MRPL22: variants seen among roughly 807,000 people sequenced by gnomAD.
MRPL22 encodes the protein mitochondrial ribosomal protein L22, also known as large ribosomal subunit protein uL22m.
A neutral mutation model predicts 32.4 loss-of-function variants in MRPL22; 27 were observed. The ratio of observed to expected loss-of-function variants is 0.83; its 90% CI spans 0.61 to 1.15. The LOEUF (loss-of-function observed/expected upper bound fraction) is 1.15, where lower values mean the gene tolerates loss of function less well. Ranked by LOEUF, MRPL22 falls within the 50% of genes most tolerant of loss-of-function variation. The pLI is 0.00. For synonymous variants in MRPL22, 86 were observed against 87.3 expected (o/e 0.99, Z 0.08); for missense variants, 239 against 260.2 (o/e 0.92, Z 0.56).
intron 3 of MRPL22, among the ~76,000 whole-genome samples, chr5:154,954,483 T>C (rs1191469823): frequency 2.0e-5 from 3 of 152,226 alleles, no homozygotes; most frequent in East Asian, 3.9e-4. Flanking sequence ...ATGGCAGAGA[T>C]ATATAACTAG....
intron 6 of MRPL22, among the ~76,000 whole-genome samples, chr5:154,963,648 C>T (rs950250842): frequency 6.6e-5 from 10 of 152,106 alleles, no homozygotes; most frequent in African/African-American, 2.4e-4. Flanking sequence ...TTCTATGGAT[C>T]ATGAACTTTT....
At chr5:154,941,316 T>G (rs1294547157) in intron 2 of MRPL22, 51 bp downstream of exon 2, 1 of 1,609,642 alleles carries the variant, frequency 6.2e-7, no homozygotes. Flanking sequence ...TCTTTAGTAT[T>G]CTGCCAGTTG....
At chr5:154,955,162 A>G (rs557475616) in intron 3 of MRPL22, 1 of 152,208 alleles carries the variant, frequency 6.6e-6, no homozygotes, top group Non-Finnish European at 1.5e-5. Context: ...ATCAGTCATG[A>G]TAGTTCTTTC....
Position 154,968,819 on chromosome 5 carries a change from A to G in MRPL22, c.*1922A>G, listed in dbSNP as rs1254649618. ...TGTAAAAGCTATTTTGAAAGTGGTAAGGAAAAAGTAGGATTGTAATGAAGA... is the reference window on the plus strand; with the variant it reads ...TGTAAAAGCTATTTTGAAAGTGGTAGGGAAAAAGTAGGATTGTAATGAAGA... On this transcript the variant is annotated 3_prime_UTR_variant, in exon 7 of 7. Transcript: ENST00000523037. 2.0e-5 allele frequency: 3 copies of G among 152,232 alleles called. No individual in the cohort carries two copies. The allele number at this position is 152,232 out of a possible 1,614,324, so 9.4% of individuals were successfully genotyped here.
chr5:154,953,584 G>A (rs593637), intron 3 of MRPL22, among the ~76,000 whole-genome samples: 69,937 of 150,376 alleles, frequency 0.47, 17,269 homozygotes, highest in Middle Eastern at 0.58. Context: ...CCCAACAACC[G>A]TTTCTATATG....
chr5:154,945,119 A>T (rs1764472255), intron 2 of MRPL22, among the ~76,000 whole-genome samples: 1 of 152,094 alleles, frequency 6.6e-6, no homozygotes, highest in Non-Finnish European at 1.5e-5. Context: ...CTGTGTTGAG[A>T]ATAGACTGGG....
intron 6 of MRPL22, among the ~76,000 whole-genome samples, chr5:154,962,507 G>T (rs752559142): frequency 6.6e-6 from 1 of 152,136 alleles, no homozygotes; most frequent in Non-Finnish European, 1.5e-5. Context: ...TACTATTTTG[G>T]TTCAGCAATG....
chr5:154,957,291 C>A, intron 5 of MRPL22, 79 bp downstream of exon 5: 1 of 1,205,082 alleles, frequency 8.3e-7, no homozygotes, highest in Non-Finnish European at 1.2e-6. Flanking sequence ...GTAAGCTTAG[C>A]CTAAATCATG....
chr5:154,958,538 C>CTTTTT (rs201113350), intron 5 of MRPL22, among the ~76,000 whole-genome samples: 81 of 83,272 alleles, frequency 9.7e-4, no homozygotes, highest in South Asian at 1.3e-3. Context: ...TGACAATTGT[C>CTTTTT]TTTTTTTTTT....
chr5:154,949,727 G>A (rs1002410728), intron 2 of MRPL22, among the ~76,000 whole-genome samples: 3 of 152,030 alleles, frequency 2.0e-5, no homozygotes, highest in Non-Finnish European at 4.4e-5. Context: ...AATGGGAGAG[G>A]GAGAATGACT....
chr5:154,958,770 C>A (rs1048503406), intron 5 of MRPL22, among the ~76,000 whole-genome samples: 16 of 151,952 alleles, frequency 1.1e-4, no homozygotes, highest in South Asian at 6.2e-4. Context: ...TGGTCTCAAT[C>A]TCTTGACCTC....
intron 2 of MRPL22, among the ~76,000 whole-genome samples, chr5:154,943,146 CT>C (rs1260241119): frequency 1.7e-4 from 25 of 146,812 alleles, no homozygotes; most frequent in East Asian, 2.0e-4. Context: ...CTTTTTTTTC[CT>C]TTTTTTTTTG....
At chr5:154,943,470 G>A (rs1159564375) in intron 2 of MRPL22, among the ~76,000 whole-genome samples, 1 of 152,022 alleles carries the variant, frequency 6.6e-6, no homozygotes, top group African/African-American at 2.4e-5. Flanking sequence ...ATGAGAGTGG[G>A]AGGGCCTGTG....
At chr5:154,945,934 C>A (rs959099949) in intron 2 of MRPL22, among the ~76,000 whole-genome samples, 31 of 152,096 alleles carry the variant, frequency 2.0e-4, no homozygotes, top group African/African-American at 7.5e-4. Context: ...AAATTAAGAA[C>A]CCCATTTGGA....
chr5:154,949,958 C>T (rs138054896), intron 2 of MRPL22, among the ~76,000 whole-genome samples: 2 of 152,282 alleles, frequency 1.3e-5, no homozygotes, highest in African/African-American at 4.8e-5. Flanking sequence ...GTCGTTGCCC[C>T]ATTCCTCTGA....
intron 4 of MRPL22, 134 bp downstream of exon 4, chr5:154,956,570 C>G (rs1764633748): frequency 1.6e-6 from 1 of 632,144 alleles, no homozygotes; most frequent in African/African-American, 1.9e-5. Flanking sequence ...GGTAGGTTGT[C>G]AAAAGAATGA....
intron 2 of MRPL22, among the ~76,000 whole-genome samples, chr5:154,941,480 T>C (rs1200174422): frequency 6.6e-6 from 1 of 152,176 alleles, no homozygotes; most frequent in Non-Finnish European, 1.5e-5. Flanking sequence ...CCAAGGGCGA[T>C]TGTAAATGCG....
At chr5:154,955,043 C>G (rs948545144) in intron 3 of MRPL22, among the ~76,000 whole-genome samples, 1 of 152,132 alleles carries the variant, frequency 6.6e-6, no homozygotes, top group Non-Finnish European at 1.5e-5. Context: ...ATCCGGCCGC[C>G]TCGGCCTCCC....
rs1764773361 is a variant in MRPL22 at position 154,966,790 on chromosome 5, T to C, written c.514T>C (p.Leu172=). 1.2e-6 allele frequency: 2 copies of C among 1,614,190 alleles called. No individual in the cohort carries two copies. The highest frequency in any genetic ancestry group is 8.5e-7 in the Non-Finnish European group (1 of 1,180,032). ...EKVYCHYFVK[L]VEGPPPPPEP... ...GGTTTATTGCCATTATTTTGTGAAG[T>C]TGGTGGAAGGGCCCCCACCTCCACC... Residue 172 remains leucine (L), a synonymous_variant, in exon 7 of 7, where the codon TTG becomes CTG. Transcript: ENST00000523037.
Sources: gnomAD v4.1 joint callset for allele counts (sites outside exome capture counted in the v4.1 genomes callset) on GRCh38, gnomAD v4.1.1 for gene constraint, MANE v1.5 for transcripts, NCBI Gene and HGNC (gene_info 2026-07-23, HGNC 2026-07-21) for gene names.